The following FAM53A variants were observed in gnomAD, a reference collection of about 807,000 sequenced individuals.
The protein encoded by FAM53A is family with sequence similarity 53 member A.
A neutral mutation model predicts 26.6 loss-of-function variants in FAM53A; 28 were observed. That is an observed-to-expected ratio of 1.05 (90% CI 0.78 to 1.45). The LOEUF (loss-of-function observed/expected upper bound fraction) is 1.45. FAM53A is among the 40% of genes most tolerant of loss of function. The pLI, the probability that FAM53A is intolerant of heterozygous loss-of-function variation, is 0.00. For missense variants in FAM53A, 650 were observed against 575.8 expected (o/e 1.13, Z -1.32); for synonymous variants, 290 against 253.1 (o/e 1.15, Z -1.38).
intron 1 of FAM53A, among the ~76,000 whole-genome samples, chr4:1,628,869 G>C (rs1210708385): frequency 1.3e-5 from 2 of 151,326 alleles, no homozygotes; most frequent in African/African-American, 4.9e-5. Flanking sequence ...CTTGCACTAA[G>C]ACTCCCCAGG....
At chr4:1,606,979 C>T in the FAM53A span, among the ~76,000 whole-genome samples, 3 of 152,208 alleles carry the variant, frequency 2.0e-5, no homozygotes, top group African/African-American at 2.4e-5. Context: ...AGGGTTTCGG[C>T]GTCTCCACAG....
intron 2 of FAM53A, among the ~76,000 whole-genome samples, chr4:1,661,224 C>T (rs1397160942): frequency 1.3e-5 from 2 of 152,152 alleles, no homozygotes; most frequent in African/African-American, 4.8e-5. Flanking sequence ...GGCTCCCACC[C>T]TCACAGGCTC....
At position 1,657,656 on chromosome 4, in the gene FAM53A, T is replaced by C. The variant is rs180716690; in HGVS notation, c.76-188A>G. Among the ~76,000 whole-genome samples, 422 of 152,326 alleles carry C rather than the reference T, an allele frequency of 2.8e-3. 1 individual carries two copies. Among genetic ancestry groups the C allele is most frequent in the Admixed American group, 4.6e-3 (70 of 15,290 alleles). On this transcript the variant is annotated intron_variant, in intron 2 of 4. Coordinates refer to ENST00000308132, the MANE Select transcript of FAM53A (RefSeq NM_001174070.3). ...GTAAATGGACAATTTTTTATTTTTT[T>C]AGATGGAGTCTCGCACAGTCACCCA...
Position 1,657,323 on chromosome 4 carries a change from A to T in FAM53A, c.136+85T>A, listed in dbSNP as rs1713460515. The T allele has an allele frequency of 2.6e-5, 33 of 1,261,232 alleles. No homozygotes were observed. The East Asian group carries it at 7.5e-4, about 29-fold the overall frequency. The allele number at this position is 1,261,232 out of a possible 1,614,324, so 78.1% of individuals were successfully genotyped here. On this transcript the variant is annotated intron_variant, in intron 3 of 4. Transcript: ENST00000308132. ...TCCTGGGCTTCTGCAGATCCGGCTC[A>T]TGTTCTGCGTCCAGGACCCTCCCAG...
chr4:1,657,277 G>A, intron 3 of FAM53A, 131 bp downstream of exon 3: 1 of 813,678 alleles, frequency 1.2e-6, no homozygotes, highest in South Asian at 1.6e-5. Flanking sequence ...CCACGCCCCA[G>A]TGCAGGGCAC....
At chr4:1,616,778 G>A (rs1361669581), downstream of FAM53A, among the ~76,000 whole-genome samples, 1 of 152,168 alleles carries the variant, frequency 6.6e-6, no homozygotes, top group African/African-American at 2.4e-5. Context: ...AGTTATGTAA[G>A]TTTCTTGGCT....
At chr4:1,578,206 A>T in the FAM53A span, among the ~76,000 whole-genome samples, 29 of 152,324 alleles carry the variant, frequency 1.9e-4, no homozygotes, top group Non-Finnish European at 3.4e-4. Flanking sequence ...GTTTTGTGCC[A>T]GTCTATTGAA....
intron 1 of FAM53A, among the ~76,000 whole-genome samples, chr4:1,682,041 T>C (rs1481133137): frequency 1.3e-5 from 2 of 152,172 alleles, no homozygotes; most frequent in African/African-American, 4.8e-5. Context: ...TCTCCAGGCC[T>C]GGGTTCCTTG....
At chr4:1,678,343 A>G (rs1715181146) in intron 1 of FAM53A, among the ~76,000 whole-genome samples, 1 of 152,254 alleles carries the variant, frequency 6.6e-6, no homozygotes, top group Admixed American at 6.5e-5. Context: ...ACCCTGTCTC[A>G]AAATAAAAAG....
At chr4:1,646,808 C>G (rs543433662) in intron 4 of FAM53A, among the ~76,000 whole-genome samples, 1 of 152,290 alleles carries the variant, frequency 6.6e-6, no homozygotes, top group South Asian at 2.1e-4. Context: ...AGCTGCAGGG[C>G]CACATAGGAA....
rs577866864 is a variant in FAM53A, at chr4:1,625,407, G to A, written c.432-7296C>T. Reference sequence around the variant, plus strand: ...ACGCCAGGTGATCAGAAGCCCCCACGTCCCGACCCACGTGGTCAGGGTCAC... The same window carrying A: ...ACGCCAGGTGATCAGAAGCCCCCACATCCCGACCCACGTGGTCAGGGTCAC... On this transcript the variant is annotated intron_variant, in intron 1 of 1. Transcript: ENST00000489029. 2.0e-4 allele frequency among the ~76,000 whole-genome samples: 12 copies of A among 59,232 alleles called. 2 individuals are homozygous for A. The highest frequency in any genetic ancestry group is 1.3e-3 in the African/African-American group (11 of 8,290). The allele number at this position is 59,232 out of a possible 152,430, so 38.9% of individuals were successfully genotyped here. A position where few individuals can be genotyped will look rare whatever the true frequency, so the allele number is the denominator to read the frequency against.
chr4:1,681,281 A>G (rs979149815), intron 1 of FAM53A, among the ~76,000 whole-genome samples: 1 of 151,804 alleles, frequency 6.6e-6, no homozygotes, highest in African/African-American at 2.4e-5. Context: ...ATTTTTTAGT[A>G]GAGACGGGGT....
chr4:1,611,199 T>C, the FAM53A span, among the ~76,000 whole-genome samples: 1 of 152,264 alleles, frequency 6.6e-6, no homozygotes, highest in East Asian at 1.9e-4. Context: ...GCAGCGACAC[T>C]GTGTGTGGCC....
chr4:1,635,694 G>A (rs1417404068), downstream of FAM53A, among the ~76,000 whole-genome samples: 2 of 152,100 alleles, frequency 1.3e-5, no homozygotes, highest in African/African-American at 2.4e-5. Context: ...ACGGTTCTAA[G>A]TCTTTTCTCA....
intron 1 of FAM53A, among the ~76,000 whole-genome samples, chr4:1,677,208 C>T (rs1261805055): frequency 6.6e-6 from 1 of 152,202 alleles, no homozygotes; most frequent in Non-Finnish European, 1.5e-5. Context: ...GGTCTTCTCT[C>T]GCCCCAACTT....
the FAM53A span, among the ~76,000 whole-genome samples, chr4:1,606,508 A>G: frequency 6.6e-6 from 1 of 152,114 alleles, no homozygotes; most frequent in Admixed American, 6.5e-5. Flanking sequence ...CAGAGGACCG[A>G]GGCAGACCCC....
chr4:1,641,493 T>G lies in FAM53A; in HGVS notation c.997A>C (p.Ile333Leu), dbSNP rs1289462508. 1.9e-6 allele frequency: 3 copies of G among 1,614,186 alleles called. No homozygotes were observed. The highest frequency in any genetic ancestry group is 2.5e-6 in the Non-Finnish European group (3 of 1,180,014). Residue 333 changes from isoleucine to leucine, a missense_variant, in exon 5 of 5, where the codon ATC (isoleucine) becomes CTC (leucine). Physicochemically the swap from Ile to Leu is conservative, Grantham distance 5. Coordinates refer to ENST00000308132, the MANE Select transcript of FAM53A (RefSeq NM_001174070.3). ...CTCTGGCTGCAGCCAGGCATGGTGA[T>G]GCCAGGGAGGCCCCGGGAGTCACAT... ...SPCDSRGLPG[I>L]TMPGCSQRGL... is the part of the protein sequence containing the mutation.
intron 1 of FAM53A, among the ~76,000 whole-genome samples, chr4:1,679,354 C>G (rs1715247486): frequency 6.8e-6 from 1 of 146,222 alleles, no homozygotes; most frequent in Admixed American, 6.8e-5. Context: ...CCACTGCACT[C>G]CAGCCTAGGT....
intron 4 of FAM53A, among the ~76,000 whole-genome samples, chr4:1,650,385 T>TGAC (rs1553805463): frequency 2.3e-5 from 3 of 127,748 alleles, no homozygotes; most frequent in Non-Finnish European, 3.3e-5. Context: ...GGTGTGGTGT[T>TGAC]TGTGAGGTGG....
Sources: gnomAD v4.1 joint callset for allele counts (sites outside exome capture counted in the v4.1 genomes callset) on GRCh38, gnomAD v4.1.1 for gene constraint, MANE v1.5 for transcripts, NCBI Gene and HGNC (gene_info 2026-07-23, HGNC 2026-07-21) for gene names.